COMMD10: variants seen among roughly 807,000 people sequenced by gnomAD.
COMMD10 encodes COMM domain containing 10, also known as COMM domain-containing protein 10.
In COMMD10, 33 loss-of-function variants were observed where a neutral mutation model predicts 28.9. The ratio of observed to expected loss-of-function variants is 1.14; its 90% CI spans 0.87 to 1.53. The LOEUF (loss-of-function observed/expected upper bound fraction) is 1.53, where lower values mean the gene tolerates loss of function less well. COMMD10 is among the 40% of genes most tolerant of loss of function. The probability of loss-of-function intolerance (pLI) is 0.00; values close to 1 mark genes in which losing one functional copy is unlikely to be tolerated. For missense variants in COMMD10, 310 were observed against 233.4 expected (o/e 1.33, Z -2.14); for synonymous variants, 110 against 81.7 (o/e 1.35, Z -1.87).
At chr5:116,237,012 G>T (rs1749683540) in intron 5 of COMMD10, among the ~76,000 whole-genome samples, 1 of 151,980 alleles carries the variant, frequency 6.6e-6, no homozygotes, top group Non-Finnish European at 1.5e-5. Context: ...TTGGGGTGGG[G>T]GTATGCAAAT....
intron 4 of COMMD10, among the ~76,000 whole-genome samples, chr5:116,111,538 G>A (rs546420463): frequency 1.3e-5 from 2 of 150,970 alleles, no homozygotes; most frequent in South Asian, 4.2e-4. Flanking sequence ...AGGTCATTCA[G>A]GGGCATATTG....
At chr5:116,232,106 G>T (rs1749543551) in intron 5 of COMMD10, among the ~76,000 whole-genome samples, 1 of 152,102 alleles carries the variant, frequency 6.6e-6, no homozygotes, top group Non-Finnish European at 1.5e-5. Context: ...CTAATTGGCA[G>T]GAACCCTGCT....
intron 5 of COMMD10, among the ~76,000 whole-genome samples, chr5:116,289,006 T>G (rs1479994257): frequency 6.7e-6 from 1 of 150,266 alleles, no homozygotes; most frequent in Non-Finnish European, 1.5e-5. Context: ...CTCAGCCTCC[T>G]GAGTAGCTGG....
At chr5:116,105,525 A>C (rs113855205) in intron 4 of COMMD10, among the ~76,000 whole-genome samples, 9 of 152,290 alleles carry the variant, frequency 5.9e-5, no homozygotes, top group African/African-American at 2.2e-4. Context: ...ATAGTTTTAG[A>C]AGGAATGGTA....
chr5:116,204,050 C>A (rs112074754), intron 5 of COMMD10, among the ~76,000 whole-genome samples: 61 of 152,024 alleles, frequency 4.0e-4, no homozygotes, highest in African/African-American at 1.4e-3. Context: ...AGGAAGATCT[C>A]CCAAGCAAAT....
chr5:116,272,726 T>C (rs568561300), intron 5 of COMMD10, among the ~76,000 whole-genome samples: 26 of 152,036 alleles, frequency 1.7e-4, no homozygotes, highest in African/African-American at 4.6e-4. Context: ...TGTTCTTGTC[T>C]GCAGTTGATC....
chr5:116,243,552 A>T (rs1473913223), intron 5 of COMMD10, among the ~76,000 whole-genome samples: 1 of 152,192 alleles, frequency 6.6e-6, no homozygotes, highest in Non-Finnish European at 1.5e-5. Context: ...ACAAATAAAA[A>T]TATAGTTCAG....
At chr5:116,212,741 C>G (rs957245021) in intron 5 of COMMD10, among the ~76,000 whole-genome samples, 1 of 151,958 alleles carries the variant, frequency 6.6e-6, no homozygotes, top group Non-Finnish European at 1.5e-5. Context: ...TGGTTTGCTT[C>G]AACTTAATAG....
chr5:116,168,841 G>C (rs1753221277), intron 5 of COMMD10, among the ~76,000 whole-genome samples: 1 of 152,112 alleles, frequency 6.6e-6, no homozygotes, highest in Non-Finnish European at 1.5e-5. Context: ...TGTGTAGAGG[G>C]AAATTTATAG....
intron 4 of COMMD10, among the ~76,000 whole-genome samples, chr5:116,095,348 C>T (rs999344499): frequency 1.3e-5 from 2 of 152,118 alleles, no homozygotes; most frequent in Non-Finnish European, 2.9e-5. Context: ...GATGATTTTG[C>T]TCAACCACAG....
At position 116,121,030 on chromosome 5, in the gene COMMD10, C is replaced by CG. The variant is rs1400275172; in HGVS notation, c.400-13037dup. Reference sequence around the variant, plus strand: ...TAAGTTCTAGGATACATATGCACAACGTGCAGGTTTGTTACATAGATATAC... The same window carrying CG: ...TAAGTTCTAGGATACATATGCACAACGGTGCAGGTTTGTTACATAGATATAC... On this transcript the variant is annotated intron_variant, in intron 4 of 6. Transcript: ENST00000274458. 5.3e-5 allele frequency among the ~76,000 whole-genome samples: 8 copies of CG among 152,120 alleles called. No homozygotes were observed. The East Asian group carries it at 1.4e-3, about 26-fold the overall frequency.
chr5:116,218,079 C>T, intron 5 of COMMD10: 2 of 1,259,990 alleles, frequency 1.6e-6, no homozygotes, highest in Non-Finnish European at 2.3e-6. Context: ...TTGACATCTC[C>T]ATTTTCTGCA....
In COMMD10 at chr5:116,232,780, T is replaced by G. The variant is rs1252300913; in HGVS notation, c.511-58737T>G. On this transcript the variant is annotated intron_variant, in intron 5 of 6. Coordinates refer to ENST00000274458, the MANE Select transcript of COMMD10 (RefSeq NM_016144.4). ...TTGACGTTGAATAATTCATTAGACATGAAATTACAGAGTGCTTACATTTGT... is the reference window on the plus strand; with the variant it reads ...TTGACGTTGAATAATTCATTAGACAGGAAATTACAGAGTGCTTACATTTGT... Among the ~76,000 whole-genome samples, 3 of 152,172 alleles carry G rather than the reference T, an allele frequency of 2.0e-5. 1 individual carries two copies. The highest frequency in any genetic ancestry group is 4.4e-5 in the Non-Finnish European group (3 of 68,032).
intron 5 of COMMD10, among the ~76,000 whole-genome samples, chr5:116,278,961 C>T (rs1479756846): frequency 6.6e-6 from 1 of 151,818 alleles, no homozygotes. Context: ...TCCACTTATT[C>T]TGATATTTTC....
At chr5:116,217,746 G>A (rs1749141733) in intron 5 of COMMD10, among the ~76,000 whole-genome samples, 1 of 152,096 alleles carries the variant, frequency 6.6e-6, no homozygotes, top group African/African-American at 2.4e-5. Flanking sequence ...GTGGCCATAT[G>A]TGTCAAAGTC....
chr5:116,241,924 C>CT (rs1345394198), intron 5 of COMMD10, among the ~76,000 whole-genome samples: 1 of 152,084 alleles, frequency 6.6e-6, no homozygotes, highest in Non-Finnish European at 1.5e-5. Context: ...GCCAATTTGT[C>CT]TTTTAGTTAG....
chr5:116,087,439 A>G, intron 1 of COMMD10, 58 bp from the exon 2 acceptor site: 1 of 979,990 alleles, frequency 1.0e-6, no homozygotes, highest in South Asian at 1.3e-5. Flanking sequence ...ACAACTATAG[A>G]AAGTGCAGTT....
At chr5:116,238,362 T>C (rs562771999) in intron 5 of COMMD10, among the ~76,000 whole-genome samples, 12 of 152,232 alleles carry the variant, frequency 7.9e-5, no homozygotes, top group Non-Finnish European at 1.8e-4. Flanking sequence ...TTGAATGAAC[T>C]TAAATTGGGC....
At position 116,266,899 on chromosome 5, in the gene COMMD10, G is replaced by C. The variant is rs143076515; in HGVS notation, c.511-24618G>C. On this transcript the variant is annotated intron_variant, in intron 5 of 6. Coordinates refer to ENST00000274458, the MANE Select transcript of COMMD10 (RefSeq NM_016144.4). ...AGGCCTTTGACAAAATTCAACAGCC[G>C]TTCATGCTAAACACTCTCAATAAAT... Among the ~76,000 whole-genome samples the C allele has an allele frequency of 7.4e-3, 1,126 of 151,766 alleles. 37 individuals are homozygous for C. Among genetic ancestry groups the C allele is most frequent in the African/African-American group, 0.026 (1,071 of 41,220 alleles).
Sources: gnomAD v4.1 joint callset for allele counts (sites outside exome capture counted in the v4.1 genomes callset) on GRCh38, gnomAD v4.1.1 for gene constraint, MANE v1.5 for transcripts, NCBI Gene and HGNC (gene_info 2026-07-23, HGNC 2026-07-21) for gene names.